GCA: variants seen among roughly 807,000 people sequenced by gnomAD.
GCA encodes grancalcin, EF-hand calcium-binding protein.
Under a neutral mutation model 32.6 loss-of-function variants are expected in GCA, and 30 were observed. The ratio of observed to expected loss-of-function variants is 0.92; its 90% CI spans 0.69 to 1.25. GCA has a LOEUF of 1.25. GCA is among the 50% of genes most tolerant of loss of function. The pLI is 0.00. For missense variants in GCA, 291 were observed against 266.8 expected, an observed-to-expected ratio of 1.09 and a Z score of -0.63; for synonymous variants, 102 against 84.6, an observed-to-expected ratio of 1.21 and a Z score of -1.13.
intron 1 of GCA, among the ~76,000 whole-genome samples, chr2:162,327,089 TGGCAGGAATTGGTTCTGCCCAATTGGTC>T (rs1193898830): frequency 1.3e-5 from 2 of 152,206 alleles, no homozygotes; most frequent in African/African-American, 4.8e-5. Context: ...TTCTGTGGGG[TGGCAGGAATTGGTTCTGCCCAATTGGTC>T]GGCAGGAATT....
At chr2:162,347,802 C>T in intron 2 of GCA, 60 bp downstream of exon 2, 1 of 1,036,808 alleles carries the variant, frequency 9.6e-7, no homozygotes, top group Non-Finnish European at 1.4e-6. Flanking sequence ...AGAGAAATGT[C>T]AGCTATTTAG....
upstream of GCA, among the ~76,000 whole-genome samples, chr2:162,343,901 T>C (rs138331897): frequency 6.6e-6 from 1 of 151,978 alleles, no homozygotes; most frequent in Non-Finnish European, 1.5e-5. Flanking sequence ...TCTTCGGGAT[T>C]TAGAAGGAGA....
intron 3 of GCA, 97 bp downstream of exon 3, chr2:162,352,504 A>G (rs1184447489): frequency 8.0e-6 from 6 of 753,492 alleles, no homozygotes; most frequent in Non-Finnish European, 1.4e-5. Flanking sequence ...AAATTATCAC[A>G]GTTATACATG....
chr2:162,366,952 T>G (rs1211577598), downstream of GCA, among the ~76,000 whole-genome samples: 2 of 151,902 alleles, frequency 1.3e-5, no homozygotes, highest in Admixed American at 1.3e-4. Context: ...TTAGAAGACC[T>G]TAAGTAGTGC....
upstream of GCA, among the ~76,000 whole-genome samples, chr2:162,343,823 T>C (rs906393079): frequency 6.6e-6 from 1 of 152,078 alleles, no homozygotes; most frequent in African/African-American, 2.4e-5. Context: ...AAAAGTAACT[T>C]GAGGAGTTGA....
chr2:162,327,353 G>A (rs552243312), intron 1 of GCA, among the ~76,000 whole-genome samples: 3 of 152,142 alleles, frequency 2.0e-5, no homozygotes, highest in Non-Finnish European at 2.9e-5. Context: ...AAACATTGTG[G>A]GGGGCAGGGG....
At chr2:162,363,631 A>T (rs1685664083), downstream of GCA, among the ~76,000 whole-genome samples, 1 of 151,462 alleles carries the variant, frequency 6.6e-6, no homozygotes, top group Non-Finnish European at 1.5e-5. Flanking sequence ...ACTACTTTCC[A>T]GCAAAACACT....
exon 1 of GCA, chr2:162,319,164 T>C (rs1173833453): frequency 2.2e-6 from 1 of 456,824 alleles, no homozygotes; most frequent in Admixed American, 2.3e-5. Context: ...AAGTCCTTCC[T>C]AAAATAAACC....
At chr2:162,354,598 T>C (rs1231267787) in intron 3 of GCA, among the ~76,000 whole-genome samples, 1 of 152,174 alleles carries the variant, frequency 6.6e-6, no homozygotes. Context: ...CTTCTGTTTT[T>C]ATCTCCACTT....
chr2:162,328,218 C>CAA (rs35156397), intron 1 of GCA, among the ~76,000 whole-genome samples: 1,827 of 89,962 alleles, frequency 0.02, 38 homozygotes, highest in African/African-American at 0.071. Context: ...CTGTTTCTAC[C>CAA]AAAAAAAAAA....
At chr2:162,359,409 T>C in intron 6 of GCA, 85 bp from the exon 7 acceptor site, 1 of 647,212 alleles carries the variant, frequency 1.5e-6, no homozygotes, top group South Asian at 2.1e-5. Flanking sequence ...AATATGAAAT[T>C]ATTCTTTTTG....
At chr2:162,334,263 G>C (rs1684187836) in intron 1 of GCA, among the ~76,000 whole-genome samples, 1 of 151,212 alleles carries the variant, frequency 6.6e-6, no homozygotes, top group African/African-American at 2.4e-5. Context: ...TACAATTATA[G>C]ATTTTTTTTT....
In GCA at chr2:162,356,352, GT is replaced by G; in HGVS notation, c.263-82del. Reference sequence around the variant, plus strand: ...TTATATATTTTGGCAGTTTTTTAATGTTTTATTTTGAAACTGGAGATTGTCA... The same window carrying G: ...TTATATATTTTGGCAGTTTTTTAATGTTTATTTTGAAACTGGAGATTGTCA... On this transcript the variant is annotated intron_variant, in intron 3 of 7. Coordinates refer to ENST00000437150, the MANE Select transcript of GCA (RefSeq NM_012198.5). 7 of 795,480 alleles carry G rather than the reference GT, an allele frequency of 8.8e-6. No homozygotes were observed. In the South Asian group the frequency reaches 1.1e-4, roughly 12 times the overall value. The allele number at this position is 795,480 out of a possible 1,614,324, so 49.3% of individuals were successfully genotyped here. A position where few individuals can be genotyped will look rare whatever the true frequency, so the allele number is the denominator to read the frequency against.
At chr2:162,358,296 T>G (rs960403608) in intron 5 of GCA, among the ~76,000 whole-genome samples, 3 of 151,574 alleles carry the variant, frequency 2.0e-5, no homozygotes, top group African/African-American at 7.2e-5. Context: ...GTATTCGTTT[T>G]AAATTTTAGA....
chr2:162,322,465 G>C (rs1229552805), intron 1 of GCA, among the ~76,000 whole-genome samples: 2 of 150,650 alleles, frequency 1.3e-5, no homozygotes, highest in East Asian at 3.9e-4. Context: ...GTGCAGGTTG[G>C]TTACATATGT....
chr2:162,359,661 C>T, intron 7 of GCA, 109 bp downstream of exon 7: 1 of 504,316 alleles, frequency 2.0e-6, no homozygotes, highest in South Asian at 3.8e-5. Context: ...ATTTGGTATG[C>T]CACATACTTT....
intron 2 of GCA, among the ~76,000 whole-genome samples, chr2:162,351,875 C>G (rs1289969776): frequency 1.3e-5 from 2 of 152,006 alleles, no homozygotes; most frequent in Admixed American, 6.6e-5. Context: ...CAGCAAGATA[C>G]AGGGGGACTC....
Position 162,347,491 on chromosome 2 carries a change from G to A in GCA, c.28-87G>A, listed in dbSNP as rs544171476. On this transcript the variant is annotated intron_variant, in intron 1 of 7. Coordinates refer to ENST00000437150, the MANE Select transcript of GCA (RefSeq NM_012198.5). ...TTTTGGTAACTGTTTACTTTTTGAC[G>A]GACTTCTAATAATTTCTTTTAATCC... 3.7e-5 allele frequency: 29 copies of A among 785,400 alleles called. No individual in the cohort carries two copies. The East Asian group carries it at 4.3e-4, about 12-fold the overall frequency. The allele number at this position is 785,400 out of a possible 1,614,324, so 48.7% of individuals were successfully genotyped here. A position where few individuals can be genotyped will look rare whatever the true frequency, so the allele number is the denominator to read the frequency against.
In GCA at chr2:162,322,688, G is replaced by A. The variant is rs995363340; in HGVS notation, c.-31+3463G>A. Among the ~76,000 whole-genome samples the A allele has an allele frequency of 4.2e-3, 638 of 150,658 alleles. 5 individuals are homozygous for A. The highest frequency in any genetic ancestry group is 7.0e-3 in the Non-Finnish European group (478 of 67,870). On this transcript the variant is annotated intron_variant, in intron 1 of 4. Coordinates refer to the GCA transcript ENST00000429691. The stretch of plus-strand genomic sequence containing the variant: ...TTTTTTGTTCTTGCGATAGTTTACT[G>A]AGAATGATGATTTCCAATTTCATCC...
Sources: allele counts gnomAD v4.1 joint callset (sites outside exome capture counted in the v4.1 genomes callset), GRCh38; gene constraint gnomAD v4.1.1; transcripts MANE v1.5; gene names NCBI Gene and HGNC (gene_info 2026-07-23, HGNC 2026-07-21).